The following GRM8 variants were observed in gnomAD, a reference collection of about 807,000 sequenced individuals.
The protein encoded by GRM8 is metabotropic glutamate receptor 8.
GRM8 carries 47 observed loss-of-function variants against 87.2 expected under a neutral mutation model. The ratio of observed to expected loss-of-function variants is 0.54; its 90% CI spans 0.43 to 0.69. The LOEUF (loss-of-function observed/expected upper bound fraction) is 0.69. GRM8 is among the 30% of genes least tolerant of loss of function. The pLI is 0.00. For missense variants in GRM8, 1,019 were observed against 1,139.2 expected, an observed-to-expected ratio of 0.89 and a Z score of 1.52; for synonymous variants, 396 against 404.5, an observed-to-expected ratio of 0.98 and a Z score of 0.25.
intron 3 of GRM8, among the ~76,000 whole-genome samples, chr7:127,050,454 C>T (rs1266546496): frequency 6.6e-6 from 1 of 152,174 alleles, no homozygotes; most frequent in African/African-American, 2.4e-5. Flanking sequence ...ATTCTCCCTA[C>T]CAACCTGAAT....
intron 7 of GRM8, among the ~76,000 whole-genome samples, chr7:126,611,189 C>T (rs1243327264): frequency 2.0e-5 from 3 of 152,170 alleles, no homozygotes; most frequent in Non-Finnish European, 4.4e-5. Flanking sequence ...ATCTTAGCTA[C>T]TCCTTATATA....
At chr7:126,595,299 G>A (rs1797054625) in intron 8 of GRM8, among the ~76,000 whole-genome samples, 1 of 151,584 alleles carries the variant, frequency 6.6e-6, no homozygotes, top group Non-Finnish European at 1.5e-5. Flanking sequence ...TGACATGATC[G>A]CAGTTCACGG....
chr7:127,034,277 C>G (rs921534753), intron 3 of GRM8, among the ~76,000 whole-genome samples: 4 of 152,198 alleles, frequency 2.6e-5, no homozygotes, highest in African/African-American at 7.2e-5. Flanking sequence ...ATTGGCAATA[C>G]TATTCCCTAT....
chr7:127,222,733 T>G (rs1797016141), intron 2 of GRM8, among the ~76,000 whole-genome samples: 1 of 152,196 alleles, frequency 6.6e-6, no homozygotes, highest in Non-Finnish European at 1.5e-5. Flanking sequence ...AATATGTCCC[T>G]TCTAATCCTT....
chr7:126,626,286 T>C (rs892929852), intron 7 of GRM8, among the ~76,000 whole-genome samples: 1 of 152,194 alleles, frequency 6.6e-6, no homozygotes, highest in Admixed American at 6.5e-5. Context: ...ATGGCTTGTA[T>C]AAGAATCTCT....
chr7:126,836,458 A>T (rs1795836878), intron 6 of GRM8, among the ~76,000 whole-genome samples: 1 of 152,298 alleles, frequency 6.6e-6, no homozygotes, highest in South Asian at 2.1e-4. Flanking sequence ...TTCAAATTCC[A>T]TAACATAGCC....
At chr7:126,989,739 T>G (rs2131935632) in intron 3 of GRM8, among the ~76,000 whole-genome samples, 1 of 152,232 alleles carries the variant, frequency 6.6e-6, no homozygotes, top group South Asian at 2.1e-4. Flanking sequence ...CCCAGATGTT[T>G]GAGACCAGCC....
At chr7:127,110,856 C>A (rs371839229) in intron 2 of GRM8, among the ~76,000 whole-genome samples, 2 of 152,232 alleles carry the variant, frequency 1.3e-5, no homozygotes, top group East Asian at 1.9e-4. Flanking sequence ...GTTTATTGGG[C>A]AAAAGGGGAT....
intron 9 of GRM8, among the ~76,000 whole-genome samples, chr7:126,480,069 G>A (rs901169547): frequency 2.8e-4 from 42 of 152,070 alleles, no homozygotes; most frequent in African/African-American, 9.9e-4. Context: ...AAGAAGAAAG[G>A]AAATGACCTG....
chr7:126,720,150 AT>A (rs200028972), intron 7 of GRM8, among the ~76,000 whole-genome samples: 9,748 of 137,750 alleles, frequency 0.071, 803 homozygotes, highest in African/African-American at 0.21. Flanking sequence ...TATTCTCACA[AT>A]TTTTTTTTTT....
chr7:126,835,369 T>C (rs1795751602), intron 6 of GRM8, among the ~76,000 whole-genome samples: 1 of 152,212 alleles, frequency 6.6e-6, no homozygotes, highest in Non-Finnish European at 1.5e-5. Flanking sequence ...TCTTTAAAGA[T>C]GAGGACCTTC....
At position 126,733,986 on chromosome 7, in the gene GRM8, AATT is replaced by A. The variant is rs1813906034; in HGVS notation, c.1357+35876_1357+35878del. ...TTAGTAAATAAAAGTGCTACTTAAA[AATT>A]ATTATTTTAAGCATATCAATAACTT... On this transcript the variant is annotated intron_variant, in intron 7 of 10. Coordinates refer to ENST00000339582, the MANE Select transcript of GRM8 (RefSeq NM_000845.3). 2.0e-5 allele frequency among the ~76,000 whole-genome samples: 3 copies of A among 152,046 alleles called. No individual in the cohort carries two copies. In the South Asian group the frequency reaches 6.2e-4, roughly 31 times the overall value.
chr7:127,212,254 A>G (rs1207972432), intron 2 of GRM8, among the ~76,000 whole-genome samples: 1 of 152,208 alleles, frequency 6.6e-6, no homozygotes, highest in East Asian at 1.9e-4. Context: ...TTGAGCTGTC[A>G]AAGAAAATGA....
At position 126,610,885 on chromosome 7, in the gene GRM8, G is replaced by T. The variant is rs534327462; in HGVS notation, c.1358-1387C>A. Reference sequence around the variant, plus strand: ...GGTATCATCAGGAACTGCTGAGGCTGCAAGAGATGGCACCGCATGGAAGAA... The same window carrying T: ...GGTATCATCAGGAACTGCTGAGGCTTCAAGAGATGGCACCGCATGGAAGAA... On this transcript the variant is annotated intron_variant, in intron 7 of 10. Transcript: ENST00000339582. 3.3e-5 allele frequency among the ~76,000 whole-genome samples: 5 copies of T among 152,326 alleles called. No homozygotes were observed. The East Asian group carries it at 9.7e-4, about 29-fold the overall frequency.
chr7:126,825,168 A>G (rs921601917), intron 6 of GRM8, among the ~76,000 whole-genome samples: 3 of 152,092 alleles, frequency 2.0e-5, no homozygotes, highest in African/African-American at 7.2e-5. Flanking sequence ...CCTGGGTTCA[A>G]ATGATTCTCC....
chr7:126,875,212 G>A (rs1799433900), intron 6 of GRM8, among the ~76,000 whole-genome samples: 1 of 151,600 alleles, frequency 6.6e-6, no homozygotes, highest in Admixed American at 6.6e-5. Context: ...ACTTGAATGT[G>A]GAATAAGTCA....
intron 2 of GRM8, among the ~76,000 whole-genome samples, chr7:127,236,199 C>T (rs17863250): frequency 0.078 from 11,788 of 152,060 alleles, 686 homozygotes; most frequent in African/African-American, 0.16. Flanking sequence ...GAAATATACA[C>T]GCAATTTCTT....
chr7:127,031,944 C>T (rs1817417039), intron 3 of GRM8, among the ~76,000 whole-genome samples: 1 of 152,050 alleles, frequency 6.6e-6, no homozygotes, highest in Non-Finnish European at 1.5e-5. Flanking sequence ...CTATTTTCTC[C>T]TCATCTACCT....
At chr7:126,616,105 A>T (rs1388091692) in intron 7 of GRM8, among the ~76,000 whole-genome samples, 1 of 152,190 alleles carries the variant, frequency 6.6e-6, no homozygotes, top group Non-Finnish European at 1.5e-5. Flanking sequence ...CTTATTCCAA[A>T]ATTGACCACA....
Sources: gnomAD v4.1 joint callset for allele counts (sites outside exome capture counted in the v4.1 genomes callset) on GRCh38, gnomAD v4.1.1 for gene constraint, MANE v1.5 for transcripts, NCBI Gene and HGNC (gene_info 2026-07-23, HGNC 2026-07-21) for gene names.